The following ROCK2 variants were observed in gnomAD, a reference collection of about 807,000 sequenced individuals.
The protein encoded by ROCK2 is Rho associated coiled-coil containing protein kinase 2.
In ROCK2, 61 loss-of-function variants were observed where a neutral mutation model predicts 195.1. That is an observed-to-expected ratio of 0.31 (90% CI 0.25 to 0.39). The LOEUF (loss-of-function observed/expected upper bound fraction) is 0.39. Ranked by LOEUF, ROCK2 falls within the 10% of genes least tolerant of loss-of-function variation. ROCK2 has a pLI of 1.00. For synonymous variants in ROCK2, 504 were observed against 545.5 expected, an observed-to-expected ratio of 0.92 and a Z score of 1.06; for missense variants, 1,109 against 1,637.4, an observed-to-expected ratio of 0.68 and a Z score of 5.57.
At chr2:11,258,843 C>T (rs528522955) in intron 3 of ROCK2, among the ~76,000 whole-genome samples, 1 of 150,164 alleles carries the variant, frequency 6.7e-6, no homozygotes, top group African/African-American at 2.5e-5. Flanking sequence ...GTAAAGAGGA[C>T]ACTGGTGTTT....
chr2:11,333,872 G>A (rs767571528), intron 1 of ROCK2, among the ~76,000 whole-genome samples: 28 of 152,092 alleles, frequency 1.8e-4, no homozygotes, highest in Non-Finnish European at 3.7e-4. Context: ...TTAAGGAGAA[G>A]GGGGAAAAAA....
rs1665188402 is a variant in ROCK2, at chr2:11,235,987, A to C, written c.463-25T>G. On this transcript the variant is annotated intron_variant, in intron 4 of 32. Coordinates refer to ENST00000315872, the MANE Select transcript of ROCK2 (RefSeq NM_004850.5). The surrounding 1 kb of genome is among the most constrained non-coding windows in gnomAD (Gnocchi z 4.2). ...GCTGGAAAACAAAAGGAAAAGGAAAAATTTTTAAAAACCCAAACCAAAAAT... is the reference window on the plus strand; with the variant it reads ...GCTGGAAAACAAAAGGAAAAGGAAACATTTTTAAAAACCCAAACCAAAAAT... The C allele has an allele frequency of 1.4e-6, 2 of 1,446,236 alleles. No individual in the cohort carries two copies. Among genetic ancestry groups the C allele is most frequent in the Non-Finnish European group, 1.8e-6 (2 of 1,097,198 alleles). 89.6% of individuals were successfully genotyped at this position (1,446,236 alleles called of 1,614,324 possible).
chr2:11,265,618 AG>A (rs1401816896), intron 3 of ROCK2, among the ~76,000 whole-genome samples: 1 of 152,238 alleles, frequency 6.6e-6, no homozygotes, highest in Non-Finnish European at 1.5e-5. Context: ...AAATGGTAAT[AG>A]GGAGAAAGAA....
intron 9 of ROCK2, among the ~76,000 whole-genome samples, chr2:11,220,427 G>A (rs1170536669): frequency 6.6e-6 from 1 of 152,092 alleles, no homozygotes; most frequent in Non-Finnish European, 1.5e-5. Context: ...AGGATTACAT[G>A]TGTGAATCAC....
At chr2:11,298,227 T>C (rs921210503) in intron 1 of ROCK2, among the ~76,000 whole-genome samples, 1 of 152,084 alleles carries the variant, frequency 6.6e-6, no homozygotes, top group African/African-American at 2.4e-5. Context: ...CCCAACACTT[T>C]GGGAGGCCGT....
At chr2:11,316,114 C>A (rs1360910120) in intron 1 of ROCK2, among the ~76,000 whole-genome samples, 5 of 152,072 alleles carry the variant, frequency 3.3e-5, no homozygotes, top group African/African-American at 1.2e-4. Context: ...TACAACTACC[C>A]TCAACTGGTA....
chr2:11,206,972 C>G (rs2148052820), intron 20 of ROCK2, among the ~76,000 whole-genome samples: 1 of 152,334 alleles, frequency 6.6e-6, no homozygotes, highest in Middle Eastern at 3.4e-3. Context: ...CTCTATCACA[C>G]TGTCTTTCAT....
intron 8 of ROCK2, 50 bp downstream of exon 8, chr2:11,222,032 TA>T: frequency 1.8e-6 from 2 of 1,084,848 alleles, no homozygotes; most frequent in Non-Finnish European, 2.8e-6. Context: ...GGAATCAACT[TA>T]TGAGTTTCAG....
At chr2:11,282,565 T>C (rs975725624) in intron 3 of ROCK2, among the ~76,000 whole-genome samples, 4 of 142,896 alleles carry the variant, frequency 2.8e-5, no homozygotes, top group Admixed American at 1.4e-4. Flanking sequence ...GGCAATACGA[T>C]GGATTGAACA....
intron 4 of ROCK2, 126 bp from the exon 5 acceptor site, chr2:11,236,088 T>A (rs1665193635): frequency 2.3e-6 from 2 of 866,498 alleles, no homozygotes; most frequent in Non-Finnish European, 3.3e-6. Context: ...AAAACTAAAA[T>A]TTATGAGATC....
At chr2:11,191,096 AATATTCAT>A (rs935223048) in intron 32 of ROCK2, among the ~76,000 whole-genome samples, 1 of 152,202 alleles carries the variant, frequency 6.6e-6, no homozygotes, top group African/African-American at 2.4e-5. Flanking sequence ...CAATGCTATC[AATATTCAT>A]ATACTGAAGG....
chr2:11,191,684 A>G (rs1572220884), intron 32 of ROCK2, among the ~76,000 whole-genome samples: 1 of 152,252 alleles, frequency 6.6e-6, no homozygotes, highest in Non-Finnish European at 1.5e-5. Context: ...ATTATACAGT[A>G]AGTCCTCACT....
intron 1 of ROCK2, among the ~76,000 whole-genome samples, chr2:11,300,113 T>C (rs1264021825): frequency 2.0e-5 from 3 of 152,204 alleles, no homozygotes; most frequent in East Asian, 3.8e-4. Flanking sequence ...TGATAACTAA[T>C]AGGTAAATCT....
rs1663701083 is a variant in ROCK2 at position 11,197,924 on chromosome 2, G to A, written c.3100-219C>T. 6.6e-6 allele frequency among the ~76,000 whole-genome samples: 1 copy of A among 152,200 alleles called. No individual in the cohort carries two copies. Among genetic ancestry groups the A allele is most frequent in the East Asian group, 1.9e-4 (1 of 5,188 alleles). The stretch of plus-strand genomic sequence containing the variant: ...AATGAGCCATTAGATTTTTACTCGT[G>A]TTTTCTGAGAATTATAATTTAAATA... On this transcript the variant is annotated intron_variant, in intron 25 of 32. Transcript: ENST00000315872. This position sits in a 1 kb window ranked among gnomAD's most constrained non-coding sequence, Gnocchi z 4.9.
intron 3 of ROCK2, among the ~76,000 whole-genome samples, chr2:11,259,299 C>G (rs1666140681): frequency 1.9e-5 from 1 of 52,580 alleles, no homozygotes; most frequent in East Asian, 1.0e-3. Flanking sequence ...AGGGTAAAGA[C>G]CAGACTGAAG....
intron 23 of ROCK2, among the ~76,000 whole-genome samples, chr2:11,199,577 C>T (rs1291106127): frequency 6.6e-6 from 1 of 151,984 alleles, no homozygotes; most frequent in African/African-American, 2.4e-5. Context: ...GCAATACTCC[C>T]ACCTTCAACT....
rs371229171 is a variant in ROCK2 at position 11,198,705 on chromosome 2, T to A, written c.2980A>T (p.Asn994Tyr). The A allele has an allele frequency of 6.8e-6, 11 of 1,608,596 alleles. No individual in the cohort carries two copies. The highest frequency in any genetic ancestry group is 8.5e-6 in the Non-Finnish European group (10 of 1,176,974). Residue 994 changes from asparagine (N) to tyrosine (Y), a missense_variant, in exon 24 of 33, where the codon AAC becomes TAC. Asn to Tyr is a moderately radical substitution (Grantham distance 143). Transcript: ENST00000315872. ...NLANEKEELNNKLKDVQEQLS... is the reference protein window; with the variant it reads ...NLANEKEELNYKLKDVQEQLS... ...CGCTCTTGAACATCTTTCAATTTGT[T>A]ATTTAATTCTTCTTTCTCATTTGCA...
At chr2:11,193,482 T>G (rs952099413) in intron 30 of ROCK2, among the ~76,000 whole-genome samples, 4 of 151,836 alleles carry the variant, frequency 2.6e-5, no homozygotes, top group Non-Finnish European at 5.9e-5. Flanking sequence ...AATTCATGTT[T>G]AAAAAAAAGT....
chr2:11,264,954 A>G (rs1316889717), intron 3 of ROCK2, among the ~76,000 whole-genome samples: 1 of 152,196 alleles, frequency 6.6e-6, no homozygotes, highest in Non-Finnish European at 1.5e-5. Flanking sequence ...GTCAAAGAGA[A>G]CACACTCTGG....
Sources: allele counts gnomAD v4.1 joint callset (sites outside exome capture counted in the v4.1 genomes callset), GRCh38; gene constraint gnomAD v4.1.1; non-coding constraint Gnocchi (gnomAD v3.1); transcripts MANE v1.5; gene names NCBI Gene and HGNC (gene_info 2026-07-23, HGNC 2026-07-21).